NUDCD3: variants seen among roughly 807,000 people sequenced by gnomAD.
The protein encoded by NUDCD3 is nudC domain-containing protein 3.
Under a neutral mutation model 39.7 loss-of-function variants are expected in NUDCD3, and 13 were observed. That is an observed-to-expected ratio of 0.33 (90% CI 0.21 to 0.52). The LOEUF (loss-of-function observed/expected upper bound fraction) is 0.52, where lower values mean the gene tolerates loss of function less well. NUDCD3 is among the 20% of genes least tolerant of loss of function. The pLI, the probability that NUDCD3 is intolerant of heterozygous loss-of-function variation, is 0.96. For synonymous variants in NUDCD3, 175 were observed against 172.4 expected (o/e 1.02, Z -0.12); for missense variants, 453 against 458.1 (o/e 0.99, Z 0.10).
intron 2 of NUDCD3, among the ~76,000 whole-genome samples, chr7:44,441,999 A>G (rs1799594078): frequency 6.6e-6 from 1 of 152,176 alleles, no homozygotes; most frequent in African/African-American, 2.4e-5. Flanking sequence ...CCTTGGGTTC[A>G]TATCTCCATT....
chr7:44,463,745 G>A (rs1381843838), intron 2 of NUDCD3, among the ~76,000 whole-genome samples: 1 of 152,078 alleles, frequency 6.6e-6, no homozygotes, highest in Non-Finnish European at 1.5e-5. Context: ...ATCTCTGGGA[G>A]AATACTGGGC....
chr7:44,409,415 A>G (rs1798882011), intron 3 of NUDCD3, among the ~76,000 whole-genome samples: 1 of 152,242 alleles, frequency 6.6e-6, no homozygotes, highest in Admixed American at 6.5e-5. Context: ...CAGACACAAT[A>G]AAGAATACAA....
chr7:44,452,658 A>C (rs924011533), intron 2 of NUDCD3, among the ~76,000 whole-genome samples: 4 of 152,218 alleles, frequency 2.6e-5, no homozygotes, highest in African/African-American at 9.6e-5. Flanking sequence ...AAAAATGGTC[A>C]TAAGATCACT....
At chr7:44,463,732 G>A (rs2116952867) in intron 2 of NUDCD3, among the ~76,000 whole-genome samples, 1 of 152,114 alleles carries the variant, frequency 6.6e-6, no homozygotes, top group Middle Eastern at 3.4e-3. Flanking sequence ...AAGAACAATT[G>A]TTATCTCTGG....
At chr7:44,437,905 C>G (rs966930482) in intron 2 of NUDCD3, among the ~76,000 whole-genome samples, 1 of 152,118 alleles carries the variant, frequency 6.6e-6, no homozygotes, top group Non-Finnish European at 1.5e-5. Context: ...ACTACTTTAA[C>G]TTAGTAAAAA....
chr7:44,458,210 C>T (rs900399356), intron 2 of NUDCD3, among the ~76,000 whole-genome samples: 16 of 152,172 alleles, frequency 1.1e-4, no homozygotes, highest in African/African-American at 3.6e-4. Context: ...AAAAGCCAGA[C>T]ACAAAGGCCA....
At chr7:44,438,338 C>T (rs1799504818) in intron 2 of NUDCD3, among the ~76,000 whole-genome samples, 2 of 152,182 alleles carry the variant, frequency 1.3e-5, no homozygotes, top group East Asian at 3.9e-4. Context: ...AAAAATTAGG[C>T]CAAAGAAAAC....
At chr7:44,386,163 A>G (rs1407059811) in intron 5 of NUDCD3, 42 bp from the exon 6 acceptor site, 1 of 1,605,232 alleles carries the variant, frequency 6.2e-7, no homozygotes, top group Non-Finnish European at 8.5e-7. Flanking sequence ...ATCACAACGC[A>G]CTGTGTACTT....
chr7:44,451,608 T>C (rs957149281), intron 2 of NUDCD3, among the ~76,000 whole-genome samples: 1 of 151,962 alleles, frequency 6.6e-6, no homozygotes, highest in Admixed American at 6.6e-5. Flanking sequence ...AGAGCCGTGG[T>C]TGCCTAAGGA....
At chr7:44,473,865 A>G (rs1407096066) in intron 2 of NUDCD3, among the ~76,000 whole-genome samples, 3 of 152,226 alleles carry the variant, frequency 2.0e-5, no homozygotes, top group African/African-American at 4.8e-5. Flanking sequence ...GAGGGAAAAA[A>G]AAGAGAGAAA....
intron 2 of NUDCD3, among the ~76,000 whole-genome samples, chr7:44,447,220 C>T (rs1256255910): frequency 1.3e-5 from 2 of 152,216 alleles, no homozygotes; most frequent in Non-Finnish European, 2.9e-5. Context: ...ACAGCCACAA[C>T]GTTCACCTGA....
At chr7:44,393,626 C>T (rs1426451340) in intron 4 of NUDCD3, among the ~76,000 whole-genome samples, 1 of 152,154 alleles carries the variant, frequency 6.6e-6, no homozygotes, top group African/African-American at 2.4e-5. Flanking sequence ...AATACTTGAT[C>T]TGTGTTTAGA....
At chr7:44,403,724 T>A (rs1165057693) in intron 4 of NUDCD3, among the ~76,000 whole-genome samples, 1 of 152,258 alleles carries the variant, frequency 6.6e-6, no homozygotes, top group Non-Finnish European at 1.5e-5. Flanking sequence ...AGAATATATC[T>A]GTATAAAATT....
rs762482267 is a variant in NUDCD3, at chr7:44,468,318, A to G, written c.509+16650T>C. On this transcript the variant is annotated intron_variant, in intron 2 of 5. Coordinates refer to ENST00000355451, the MANE Select transcript of NUDCD3 (RefSeq NM_015332.4). ...GAAAATGAGTAGACAGCTCGTGTGC[A>G]CGTTTTCTGTTTAAATAAATGTAAA... The G allele has an allele frequency of 2.7e-5, 38 of 1,412,512 alleles. 1 individual carries two copies. The South Asian group carries it at 4.4e-4, about 16-fold the overall frequency. 87.5% of individuals were successfully genotyped at this position (1,412,512 alleles called of 1,614,324 possible).
chr7:44,445,207 C>A (rs984536608), intron 2 of NUDCD3, among the ~76,000 whole-genome samples: 1 of 152,226 alleles, frequency 6.6e-6, no homozygotes, highest in African/African-American at 2.4e-5. Flanking sequence ...GCAACAGCTG[C>A]CTGGTATGTA....
chr7:44,478,085 C>T (rs981748526), intron 2 of NUDCD3, among the ~76,000 whole-genome samples: 11 of 152,106 alleles, frequency 7.2e-5, no homozygotes, highest in African/African-American at 2.7e-4. Flanking sequence ...CAGCCGGCCT[C>T]GGCCTCTAAC....
At chr7:44,439,047 G>T (rs991158514) in intron 2 of NUDCD3, among the ~76,000 whole-genome samples, 7 of 152,204 alleles carry the variant, frequency 4.6e-5, no homozygotes, top group African/African-American at 1.7e-4. Context: ...ATTACAAGCA[G>T]TGCATGAGGA....
chr7:44,445,620 G>C (rs1187338576), intron 2 of NUDCD3, among the ~76,000 whole-genome samples: 2 of 152,166 alleles, frequency 1.3e-5, no homozygotes, highest in African/African-American at 2.4e-5. Flanking sequence ...TTGGAGGGGA[G>C]GAGGGGTGGG....
intron 2 of NUDCD3, among the ~76,000 whole-genome samples, chr7:44,464,996 A>T (rs1283219184): frequency 6.6e-6 from 1 of 152,132 alleles, no homozygotes; most frequent in East Asian, 1.9e-4. Flanking sequence ...GCAGGGGAGC[A>T]GAAGGGCCCA....
Sources: gnomAD v4.1 joint callset for allele counts (sites outside exome capture counted in the v4.1 genomes callset) on GRCh38, gnomAD v4.1.1 for gene constraint, MANE v1.5 for transcripts, NCBI Gene and HGNC (gene_info 2026-07-23, HGNC 2026-07-21) for gene names.